Variants in CCDC7 observed in about 807,000 individuals in gnomAD.
CCDC7 encodes coiled-coil domain-containing protein 7.
In CCDC7, 183 loss-of-function variants were observed where a neutral mutation model predicts 196.9. The ratio of observed to expected loss-of-function variants is 0.93; its 90% CI spans 0.82 to 1.05. The LOEUF is 1.05. Among genes scored for constraint, CCDC7 ranks in the 50% least tolerant of loss-of-function variants. The pLI, the probability that CCDC7 is intolerant of heterozygous loss-of-function variation, is 0.00. For synonymous variants in CCDC7, 525 were observed against 484.6 expected, an observed-to-expected ratio of 1.08 and a Z score of -1.10; for missense variants, 1,540 against 1,482.2, an observed-to-expected ratio of 1.04 and a Z score of -0.64.
At chr10:32,646,303 ATGT>A (rs762792273) in intron 20 of CCDC7, among the ~76,000 whole-genome samples, 1 of 151,426 alleles carries the variant, frequency 6.6e-6, no homozygotes, top group African/African-American at 2.4e-5. Flanking sequence ...TTTCATGAAC[ATGT>A]TGTTTAATTT....
In CCDC7 at chr10:32,726,798, GA is replaced by G. The variant is rs765697006; in HGVS notation, c.2641del (p.Ile881Ter). 1.9e-6 allele frequency: 3 copies of G among 1,599,226 alleles called. No individual in the cohort carries two copies. Among genetic ancestry groups the G allele is most frequent in the South Asian group, 1.1e-5 (1 of 89,530 alleles). Reference sequence around the variant, plus strand: ...TGTCAAAACTCCAAATGCAAGAAAAGAAAAAAATAACTCCTGGAAGGGAAAG... The same window carrying G: ...TGTCAAAACTCCAAATGCAAGAAAAGAAAAAATAACTCCTGGAAGGGAAAG... On this transcript the variant is annotated frameshift_variant, in exon 26 of 42. Transcript: ENST00000639629. LOFTEE classifies it high-confidence loss of function.
chr10:32,462,237 A>G (rs909466768), intron 3 of CCDC7, among the ~76,000 whole-genome samples: 2 of 152,136 alleles, frequency 1.3e-5, no homozygotes, highest in African/African-American at 4.8e-5. Flanking sequence ...CCTGGGCAAC[A>G]TGGCCAAACT....
At chr10:32,589,979 A>C (rs569824546) in intron 18 of CCDC7, among the ~76,000 whole-genome samples, 61 of 152,226 alleles carry the variant, frequency 4.0e-4, no homozygotes, top group African/African-American at 1.2e-3. Context: ...ATACTCAACC[A>C]ATCATTGGAT....
At chr10:32,551,297 T>C (rs559736264) in intron 13 of CCDC7, among the ~76,000 whole-genome samples, 69 of 152,288 alleles carry the variant, frequency 4.5e-4, no homozygotes, top group African/African-American at 1.7e-3. Context: ...TCTTCTTTTC[T>C]CATTTAGTCT....
At chr10:32,749,803 G>T (rs2075380921) in intron 28 of CCDC7, among the ~76,000 whole-genome samples, 1 of 152,070 alleles carries the variant, frequency 6.6e-6, no homozygotes, top group South Asian at 2.1e-4. Flanking sequence ...TATGTTACAG[G>T]TAATTTCATA....
intron 41 of CCDC7, among the ~76,000 whole-genome samples, chr10:32,863,435 C>T (rs970705447): frequency 2.0e-5 from 3 of 152,012 alleles, no homozygotes; most frequent in African/African-American, 7.2e-5. Flanking sequence ...TCACTGTCAC[C>T]TTTAACTCCT....
chr10:32,698,609 T>G (rs922552742), intron 24 of CCDC7, among the ~76,000 whole-genome samples: 4 of 151,958 alleles, frequency 2.6e-5, no homozygotes, highest in Non-Finnish European at 5.9e-5. Flanking sequence ...TATCAGTGAT[T>G]GAAGATCAAA....
intron 20 of CCDC7, among the ~76,000 whole-genome samples, chr10:32,642,416 A>G (rs1052371118): frequency 6.6e-6 from 1 of 152,136 alleles, no homozygotes; most frequent in Non-Finnish European, 1.5e-5. Flanking sequence ...GCTAGCAATG[A>G]GCGAGGCTCC....
At chr10:32,467,711 G>C (rs2037131374) in intron 5 of CCDC7, among the ~76,000 whole-genome samples, 1 of 152,126 alleles carries the variant, frequency 6.6e-6, no homozygotes, top group Non-Finnish European at 1.5e-5. Flanking sequence ...AATTTTTATA[G>C]TTTTGGGTTT....
intron 28 of CCDC7, among the ~76,000 whole-genome samples, chr10:32,747,921 A>G (rs762430442): frequency 6.6e-6 from 1 of 152,250 alleles, no homozygotes; most frequent in Non-Finnish European, 1.5e-5. Context: ...GTGCATGTTC[A>G]TCACAGCACT....
intron 13 of CCDC7, among the ~76,000 whole-genome samples, chr10:32,561,297 G>A (rs1348952129): frequency 6.6e-6 from 1 of 152,124 alleles, no homozygotes; most frequent in Non-Finnish European, 1.5e-5. Flanking sequence ...GCACCAAGCA[G>A]ACCTAATAGA....
At chr10:32,663,970 T>TGGCTGTATA (rs2072088573) in intron 20 of CCDC7, 84 bp from the exon 22 acceptor site, 2 of 383,472 alleles carry the variant, frequency 5.2e-6, no homozygotes, top group Non-Finnish European at 9.2e-6. Context: ...AGACAGAATA[T>TGGCTGTATA]GGCTGTATAC....
chr10:32,487,011 T>C (rs2041243136), intron 8 of CCDC7, among the ~76,000 whole-genome samples: 2 of 152,132 alleles, frequency 1.3e-5, no homozygotes, highest in Non-Finnish European at 2.9e-5. Context: ...TGGTGTTCTC[T>C]GTGTTTCCTG....
At chr10:32,692,744 C>T (rs998333966) in intron 23 of CCDC7, among the ~76,000 whole-genome samples, 1 of 152,162 alleles carries the variant, frequency 6.6e-6, no homozygotes, top group African/African-American at 2.4e-5. Context: ...TATTAAAAGC[C>T]ATAGCCTAGA....
chr10:32,790,851 T>C (rs1275172119), intron 29 of CCDC7, among the ~76,000 whole-genome samples: 1 of 152,176 alleles, frequency 6.6e-6, no homozygotes, highest in Non-Finnish European at 1.5e-5. Flanking sequence ...ACATACTGGA[T>C]ACTTCAGTAG....
At chr10:32,671,014 A>G (rs1414052165) in intron 21 of CCDC7, among the ~76,000 whole-genome samples, 1 of 152,292 alleles carries the variant, frequency 6.6e-6, no homozygotes, top group Admixed American at 6.5e-5. Flanking sequence ...GTAAAAAAGT[A>G]AAAAACATTA....
intron 21 of CCDC7, among the ~76,000 whole-genome samples, chr10:32,678,728 G>T (rs749656903): frequency 6.6e-6 from 1 of 152,128 alleles, no homozygotes; most frequent in African/African-American, 2.4e-5. Flanking sequence ...AAACTGAAAA[G>T]CCCAGGAGAT....
chr10:32,689,981 C>T (rs576548125), intron 23 of CCDC7, among the ~76,000 whole-genome samples: 6 of 152,250 alleles, frequency 3.9e-5, no homozygotes, highest in African/African-American at 1.4e-4. Context: ...ATGATCCACC[C>T]GCCTCGGCCT....
chr10:32,714,526 G>A (rs992309325), intron 25 of CCDC7, among the ~76,000 whole-genome samples: 1 of 152,198 alleles, frequency 6.6e-6, no homozygotes, highest in Non-Finnish European at 1.5e-5. Flanking sequence ...TAACCCAGTG[G>A]CACATGGAAT....
Sources: gnomAD v4.1 joint callset for allele counts (sites outside exome capture counted in the v4.1 genomes callset) on GRCh38, gnomAD v4.1.1 for gene constraint, MANE v1.5 for transcripts, NCBI Gene and HGNC (gene_info 2026-07-23, HGNC 2026-07-21) for gene names.